The following ALDH1L2 variants were observed in gnomAD, a reference collection of about 807,000 sequenced individuals.
The protein encoded by ALDH1L2 is aldehyde dehydrogenase 1 family member L2, also known as mitochondrial 10-formyltetrahydrofolate dehydrogenase.
Under a neutral mutation model 111.0 loss-of-function variants are expected in ALDH1L2, and 91 were observed. The observed-to-expected ratio is 0.82, with a 90% CI of 0.69 to 0.98. The LOEUF is 0.98. Ranked by LOEUF, ALDH1L2 falls within the 50% of genes least tolerant of loss-of-function variation. ALDH1L2 has a pLI of 0.00. For missense variants in ALDH1L2, 995 were observed against 1,126.8 expected (o/e 0.88, Z 1.67); for synonymous variants, 374 against 392.6 (o/e 0.95, Z 0.56).
At chr12:105,076,453 A>G (rs1878058022) in intron 1 of ALDH1L2, among the ~76,000 whole-genome samples, 1 of 152,228 alleles carries the variant, frequency 6.6e-6, no homozygotes, top group Non-Finnish European at 1.5e-5. Context: ...TTAGGGATAA[A>G]GAAATTAAAG....
chr12:105,071,025 T>C (rs1053997342), intron 2 of ALDH1L2, among the ~76,000 whole-genome samples: 1 of 152,200 alleles, frequency 6.6e-6, no homozygotes, highest in Admixed American at 6.5e-5. Context: ...ACTGAAAAGT[T>C]TTTGGCTAGA....
chr12:105,039,854 G>A (rs1875416038), intron 16 of ALDH1L2, 48 bp from the exon 17 acceptor site: 21 of 1,564,346 alleles, frequency 1.3e-5, no homozygotes, highest in Non-Finnish European at 1.8e-5. Context: ...CTCAAGGCCG[G>A]GCGCGGTGGC....
At chr12:105,030,486 A>G in intron 20 of ALDH1L2, 57 bp from the exon 21 acceptor site, 7 of 1,427,728 alleles carry the variant, frequency 4.9e-6, no homozygotes, top group Non-Finnish European at 6.8e-6. Flanking sequence ...TTTTCAATTA[A>G]TAGTCCTCTC....
At chr12:105,039,413 T>C (rs1875384910) in intron 17 of ALDH1L2, among the ~76,000 whole-genome samples, 1 of 152,242 alleles carries the variant, frequency 6.6e-6, no homozygotes, top group African/African-American at 2.4e-5. Flanking sequence ...TTTGGTTTTT[T>C]ACCCATACTC....
At chr12:105,081,996 C>A (rs1878357180) in intron 1 of ALDH1L2, among the ~76,000 whole-genome samples, 1 of 152,214 alleles carries the variant, frequency 6.6e-6, no homozygotes, top group Admixed American at 6.5e-5. Flanking sequence ...GAGTTCAAGA[C>A]CAGCCTGGCC....
rs1473652294 is a variant in ALDH1L2 at position 105,021,069 on chromosome 12, G to A, written c.*3355C>T. On this transcript the variant is annotated 3_prime_UTR_variant, in exon 23 of 23. Coordinates refer to ENST00000258494, the MANE Select transcript of ALDH1L2 (RefSeq NM_001034173.4). ...TTGTTCTGTTGAGGAAGTCAAGGCA[G>A]TCAGGATGGTGGAACAGAATGAGAG... 1.3e-5 allele frequency: 2 copies of A among 152,570 alleles called. No homozygotes were observed. The highest frequency in any genetic ancestry group is 4.8e-5 in the African/African-American group (2 of 41,458). 9.5% of individuals were successfully genotyped at this position (152,570 alleles called of 1,614,324 possible). A position where few individuals can be genotyped will look rare whatever the true frequency, so the allele number is the denominator to read the frequency against.
At chr12:105,076,568 T>C (rs564917438) in intron 1 of ALDH1L2, among the ~76,000 whole-genome samples, 1 of 152,208 alleles carries the variant, frequency 6.6e-6, no homozygotes, top group Non-Finnish European at 1.5e-5. Flanking sequence ...ATACACCAGC[T>C]GTGCAGTCTT....
chr12:105,068,380 G>A (rs375254354), intron 4 of ALDH1L2, among the ~76,000 whole-genome samples: 67 of 151,684 alleles, frequency 4.4e-4, no homozygotes, highest in African/African-American at 1.4e-3. Flanking sequence ...AACAAATTAC[G>A]TAGCAAAATT....
chr12:105,036,000 TTATA>T (rs1315712503), intron 18 of ALDH1L2, among the ~76,000 whole-genome samples: 1 of 79,570 alleles, frequency 1.3e-5, no homozygotes, highest in Non-Finnish European at 2.4e-5. Flanking sequence ...ATACGTATAT[TTATA>T]TATGTGTATA....
At chr12:105,057,953 A>G (rs1876736889) in intron 10 of ALDH1L2, 120 bp downstream of exon 10, 1 of 1,238,454 alleles carries the variant, frequency 8.1e-7, no homozygotes, top group South Asian at 1.9e-5. Flanking sequence ...ATTAGATCTC[A>G]GTAAAGCTGT....
intron 19 of ALDH1L2, among the ~76,000 whole-genome samples, chr12:105,032,404 A>G (rs1339845911): frequency 6.6e-6 from 1 of 151,822 alleles, no homozygotes; most frequent in Non-Finnish European, 1.5e-5. Context: ...ACGCTCGGCT[A>G]ATTTTTGTAT....
At chr12:105,040,149 A>ACG (rs750151026) in intron 16 of ALDH1L2, among the ~76,000 whole-genome samples, 3,126 of 145,756 alleles carry the variant, frequency 0.021, 70 homozygotes, top group Non-Finnish European at 0.035. Context: ...AAAAAAAAAA[A>ACG]AAACCTTACT....
At chr12:105,033,252 T>C (rs6539180) in intron 19 of ALDH1L2, among the ~76,000 whole-genome samples, 86,217 of 151,872 alleles carry the variant, frequency 0.57, 25,002 homozygotes, top group East Asian at 0.81. Flanking sequence ...TGAATGAATA[T>C]GAACAGCATG....
At chr12:105,047,260 A>T (rs150586143) in intron 13 of ALDH1L2, among the ~76,000 whole-genome samples, 18 of 152,286 alleles carry the variant, frequency 1.2e-4, no homozygotes, top group African/African-American at 4.3e-4. Context: ...TGTCCTTAGT[A>T]ACAGAATCCC....
intron 9 of ALDH1L2, among the ~76,000 whole-genome samples, chr12:105,060,269 T>C (rs998991295): frequency 1.3e-5 from 2 of 152,182 alleles, no homozygotes; most frequent in African/African-American, 4.8e-5. Context: ...GTGTCAGATA[T>C]TATTCAGATA....
At chr12:105,062,074 G>A (rs973677053) in intron 7 of ALDH1L2, among the ~76,000 whole-genome samples, 2 of 152,208 alleles carry the variant, frequency 1.3e-5, no homozygotes, top group Non-Finnish European at 2.9e-5. Context: ...CTGCAACTCT[G>A]CAGCTGCTGC....
chr12:105,046,332 A>G (rs1020837022), intron 15 of ALDH1L2, among the ~76,000 whole-genome samples: 4 of 142,594 alleles, frequency 2.8e-5, no homozygotes, highest in African/African-American at 7.9e-5. Context: ...CGCCTTTACA[A>G]TATTTTTGAC....
In ALDH1L2 at chr12:105,030,710, T is replaced by C. The variant is rs114362130; in HGVS notation, c.2411-281A>G. 4.7e-3 allele frequency among the ~76,000 whole-genome samples: 709 copies of C among 152,308 alleles called. 4 individuals are homozygous for C. The highest frequency in any genetic ancestry group is 0.014 in the African/African-American group (562 of 41,574). On this transcript the variant is annotated intron_variant, in intron 20 of 22. Coordinates refer to ENST00000258494, the MANE Select transcript of ALDH1L2 (RefSeq NM_001034173.4). ...TATTTATCTTTTCCTCATTGAAATA[T>C]TTTAAAGCAAATTCCAGATATCATA...
At chr12:105,050,681 T>C in intron 12 of ALDH1L2, 1 of 453,986 alleles carries the variant, frequency 2.2e-6, no homozygotes, top group South Asian at 1.6e-5. Context: ...TTGTTCCAGA[T>C]CTTGCTTGTA....
Sources: gnomAD v4.1 joint callset for allele counts (sites outside exome capture counted in the v4.1 genomes callset) on GRCh38, gnomAD v4.1.1 for gene constraint, MANE v1.5 for transcripts, NCBI Gene and HGNC (gene_info 2026-07-23, HGNC 2026-07-21) for gene names.